ATRNL1: variants seen among roughly 807,000 people sequenced by gnomAD.
The protein encoded by ATRNL1 is attractin like 1.
Under a neutral mutation model 182.7 loss-of-function variants are expected in ATRNL1, and 95 were observed. The ratio of observed to expected loss-of-function variants is 0.52; its 90% CI spans 0.44 to 0.62. The LOEUF is 0.62. Among genes scored for constraint, ATRNL1 ranks in the 20% least tolerant of loss-of-function variants. ATRNL1 has a pLI of 0.00. For missense variants in ATRNL1, 1,471 were observed against 1,679.5 expected (o/e 0.88, Z 2.17); for synonymous variants, 576 against 568.3 (o/e 1.01, Z -0.19).
intron 26 of ATRNL1, among the ~76,000 whole-genome samples, chr10:115,671,695 G>A (rs1422232196): frequency 2.0e-4 from 30 of 152,084 alleles, no homozygotes; most frequent in Admixed American, 2.0e-3. Flanking sequence ...GCCTCGGCAG[G>A]GAACAATTTG....
At chr10:115,517,813 A>G (rs1382947430) in intron 24 of ATRNL1, among the ~76,000 whole-genome samples, 2 of 151,800 alleles carry the variant, frequency 1.3e-5, no homozygotes, top group Non-Finnish European at 3.0e-5. Context: ...CTTGTTGACA[A>G]TATTCTTTGA....
At chr10:115,395,149 C>T (rs533039756) in intron 20 of ATRNL1, among the ~76,000 whole-genome samples, 1 of 151,946 alleles carries the variant, frequency 6.6e-6, no homozygotes, top group Admixed American at 6.6e-5. Context: ...TGTTAATTTG[C>T]TTAGGATAAT....
chr10:115,550,719 G>A (rs1480050668), intron 26 of ATRNL1, among the ~76,000 whole-genome samples: 2 of 151,772 alleles, frequency 1.3e-5, no homozygotes, highest in Non-Finnish European at 3.0e-5. Flanking sequence ...ATTCTCTGCA[G>A]AGGTAAACAA....
chr10:115,250,860 G>A (rs1267052716), intron 10 of ATRNL1, among the ~76,000 whole-genome samples: 1 of 152,170 alleles, frequency 6.6e-6, no homozygotes, highest in African/African-American at 2.4e-5. Flanking sequence ...GCATAATGTT[G>A]TTAATGTAGT....
At chr10:115,718,030 T>G (rs540918808) in intron 26 of ATRNL1, among the ~76,000 whole-genome samples, 18 of 152,338 alleles carry the variant, frequency 1.2e-4, no homozygotes, top group Non-Finnish European at 2.4e-4. Context: ...GTCCTTTTTC[T>G]GCCATGATTC....
At chr10:115,527,945 CTTCCTTCT>C (rs1554987072) in intron 25 of ATRNL1, among the ~76,000 whole-genome samples, 3 of 100,498 alleles carry the variant, frequency 3.0e-5, no homozygotes, top group Admixed American at 1.1e-4. Context: ...CTTCTCCTTC[CTTCCTTCT>C]TTCCTTCCCT....
At chr10:115,275,436 A>G (rs1483422778) in intron 13 of ATRNL1, among the ~76,000 whole-genome samples, 1 of 152,164 alleles carries the variant, frequency 6.6e-6, no homozygotes, top group African/African-American at 2.4e-5. Context: ...GGATTTCTAT[A>G]TATTTTACTC....
intron 26 of ATRNL1, among the ~76,000 whole-genome samples, chr10:115,636,581 A>G (rs1858887963): frequency 6.6e-6 from 1 of 152,236 alleles, no homozygotes; most frequent in Non-Finnish European, 1.5e-5. Context: ...CTCCTATGTG[A>G]GAAACATGTT....
intron 19 of ATRNL1, among the ~76,000 whole-genome samples, chr10:115,391,535 G>T (rs782340235): frequency 7.9e-5 from 12 of 152,112 alleles, no homozygotes; most frequent in Non-Finnish European, 1.2e-4. Context: ...TGACTTAGGG[G>T]TATCTTGCTC....
At chr10:115,411,859 A>G (rs1845156984) in intron 20 of ATRNL1, among the ~76,000 whole-genome samples, 1 of 152,050 alleles carries the variant, frequency 6.6e-6, no homozygotes, top group Non-Finnish European at 1.5e-5. Context: ...CCTCAAGTAA[A>G]TATATTGAAA....
chr10:115,411,328 A>G (rs1554959867), intron 20 of ATRNL1, among the ~76,000 whole-genome samples: 2 of 151,548 alleles, frequency 1.3e-5, no homozygotes, highest in Non-Finnish European at 2.9e-5. Flanking sequence ...TTTAAAACTT[A>G]TAAATGTAGA....
intron 18 of ATRNL1, among the ~76,000 whole-genome samples, chr10:115,320,815 G>A (rs187453452): frequency 2.0e-5 from 3 of 151,926 alleles, no homozygotes; most frequent in Non-Finnish European, 4.4e-5. Context: ...AAGGTTCTTA[G>A]CTTCCTTTAG....
intron 26 of ATRNL1, among the ~76,000 whole-genome samples, chr10:115,722,125 T>C (rs548384199): frequency 6.6e-6 from 1 of 152,328 alleles, no homozygotes; most frequent in East Asian, 1.9e-4. Flanking sequence ...TCAAAAATCA[T>C]TGGAAATGAA....
chr10:115,158,516 G>A (rs1554882574), intron 5 of ATRNL1, among the ~76,000 whole-genome samples: 1 of 151,914 alleles, frequency 6.6e-6, no homozygotes, highest in African/African-American at 2.4e-5. Flanking sequence ...AGAAATAATA[G>A]TTTTCTATAG....
chr10:115,304,176 A>G (rs1383570474), intron 17 of ATRNL1, among the ~76,000 whole-genome samples: 2 of 152,200 alleles, frequency 1.3e-5, no homozygotes, highest in African/African-American at 4.8e-5. Flanking sequence ...TATAACGTTC[A>G]TAAGTATCTT....
chr10:115,230,035 T>C (rs1351981407), intron 9 of ATRNL1, among the ~76,000 whole-genome samples: 1 of 152,180 alleles, frequency 6.6e-6, no homozygotes, highest in Non-Finnish European at 1.5e-5. Flanking sequence ...GTTATTTCCT[T>C]GCTTTTCATT....
intron 18 of ATRNL1, among the ~76,000 whole-genome samples, chr10:115,319,970 C>T (rs1554930902): frequency 6.6e-6 from 1 of 151,174 alleles, no homozygotes; most frequent in African/African-American, 2.4e-5. Context: ...CTAGTTGATG[C>T]AGTTTCTTCA....
intron 10 of ATRNL1, among the ~76,000 whole-genome samples, chr10:115,258,999 C>T (rs777298145): frequency 5.9e-5 from 9 of 152,162 alleles, no homozygotes; most frequent in Middle Eastern, 3.2e-3. Context: ...AGCTTCATCC[C>T]AACGGGGCAG....
chr10:115,449,746 A>G (rs1293259695), intron 21 of ATRNL1, among the ~76,000 whole-genome samples: 2 of 152,174 alleles, frequency 1.3e-5, no homozygotes, highest in Admixed American at 1.3e-4. Context: ...TGAGTAAGTG[A>G]GGCACCCCTT....
Sources: gnomAD v4.1 joint callset for allele counts (sites outside exome capture counted in the v4.1 genomes callset) on GRCh38, gnomAD v4.1.1 for gene constraint, MANE v1.5 for transcripts, NCBI Gene and HGNC (gene_info 2026-07-23, HGNC 2026-07-21) for gene names.